NKAIN2: variants seen among roughly 807,000 people sequenced by gnomAD.
The protein encoded by NKAIN2 is sodium/potassium transporting ATPase interacting 2.
A neutral mutation model predicts 32.6 loss-of-function variants in NKAIN2; 14 were observed. The ratio of observed to expected loss-of-function variants is 0.43; its 90% CI spans 0.28 to 0.67. The LOEUF (loss-of-function observed/expected upper bound fraction) is 0.67. Ranked by LOEUF, NKAIN2 falls within the 30% of genes least tolerant of loss-of-function variation. The pLI is 0.17. For synonymous variants in NKAIN2, 80 were observed against 87.2 expected, an observed-to-expected ratio of 0.92 and a Z score of 0.46; for missense variants, 198 against 258.3, an observed-to-expected ratio of 0.77 and a Z score of 1.60.
chr6:124,742,258 A>T (rs1777249875), intron 4 of NKAIN2, among the ~76,000 whole-genome samples: 1 of 151,844 alleles, frequency 6.6e-6, no homozygotes, highest in African/African-American at 2.4e-5. Flanking sequence ...CAATAAACTG[A>T]GTAAAGAAGG....
chr6:123,926,298 A>G (rs1006228918), intron 1 of NKAIN2, among the ~76,000 whole-genome samples: 1 of 152,194 alleles, frequency 6.6e-6, no homozygotes, highest in East Asian at 1.9e-4. Context: ...CTTTGTGGAT[A>G]TCAGGAAAAT....
chr6:124,090,542 A>G (rs1006522573), intron 1 of NKAIN2, among the ~76,000 whole-genome samples: 42 of 152,068 alleles, frequency 2.8e-4, no homozygotes, highest in African/African-American at 9.4e-4. Context: ...AGATGATAAT[A>G]GGTGTCGTGT....
At position 124,823,761 on chromosome 6, in the gene NKAIN2, C is replaced by T. The variant is rs1402155495; in HGVS notation, c.*532C>T. On this transcript the variant is annotated 3_prime_UTR_variant, in exon 7 of 7. Coordinates refer to ENST00000368417, the MANE Select transcript of NKAIN2 (RefSeq NM_001040214.3). ...AAGTCCGAAATGGCAGATTGTTTGC[C>T]CTAAAGGCTGTACCGTACATACTTG... The T allele has an allele frequency of 6.3e-6, 1 of 159,400 alleles. No homozygotes were observed. The highest frequency in any genetic ancestry group is 2.4e-5 in the African/African-American group (1 of 41,654). The allele number at this position is 159,400 out of a possible 1,614,324, so 9.9% of individuals were successfully genotyped here. A position where few individuals can be genotyped will look rare whatever the true frequency, so the allele number is the denominator to read the frequency against.
intron 5 of NKAIN2, among the ~76,000 whole-genome samples, chr6:124,806,939 C>A (rs554475743): frequency 1.4e-4 from 22 of 152,274 alleles, no homozygotes; most frequent in Middle Eastern, 3.4e-3. Context: ...GAAGAGCTAA[C>A]TATCCTAAAT....
intron 1 of NKAIN2, among the ~76,000 whole-genome samples, chr6:124,187,491 A>G (rs570661093): frequency 2.0e-5 from 3 of 152,294 alleles, no homozygotes; most frequent in Non-Finnish European, 4.4e-5. Context: ...GGATAAGATC[A>G]AAAAGCATAT....
intron 4 of NKAIN2, among the ~76,000 whole-genome samples, chr6:124,725,428 A>G (rs890798398): frequency 1.2e-4 from 18 of 151,992 alleles, no homozygotes; most frequent in African/African-American, 3.6e-4. Flanking sequence ...TAAGTCTTTG[A>G]GTTATTTGGG....
At chr6:124,807,081 G>A (rs1350700494) in intron 5 of NKAIN2, among the ~76,000 whole-genome samples, 3 of 151,488 alleles carry the variant, frequency 2.0e-5, no homozygotes, top group Non-Finnish European at 3.0e-5. Context: ...ACAGATCAAC[G>A]AGACAGAAAG....
At chr6:124,393,814 C>T (rs1295936960) in intron 3 of NKAIN2, among the ~76,000 whole-genome samples, 1 of 152,118 alleles carries the variant, frequency 6.6e-6, no homozygotes, top group Non-Finnish European at 1.5e-5. Flanking sequence ...TGTGCATGCG[C>T]ATTATATGCC....
At position 124,804,548 on chromosome 6, in the gene NKAIN2, G is replaced by C. The variant is rs141528932; in HGVS notation, c.535+13149G>C. 1.2e-3 allele frequency: 328 copies of C among 268,856 alleles called. 1 individual carries two copies. Among genetic ancestry groups the C allele is most frequent in the African/African-American group, 6.7e-3 (294 of 43,710 alleles). The allele number at this position is 268,856 out of a possible 1,614,324, so 16.7% of individuals were successfully genotyped here. The stretch of plus-strand genomic sequence containing the variant: ...CGAACAGGAACAGCTCCGGTCTACA[G>C]CTCCCAGCGTGAGCGACGCAGAAGA... On this transcript the variant is annotated intron_variant, in intron 5 of 6. Coordinates refer to ENST00000368417, the MANE Select transcript of NKAIN2 (RefSeq NM_001040214.3).
rs532210636 is a variant in NKAIN2, at chr6:124,342,237, T to TA, written c.193-13018dup. Among the ~76,000 whole-genome samples, 664 of 143,194 alleles carry TA rather than the reference T, an allele frequency of 4.6e-3. 8 individuals carry two copies. The highest frequency in any genetic ancestry group is 0.015 in the African/African-American group (586 of 39,118). 93.9% of individuals were successfully genotyped at this position (143,194 alleles called of 152,430 possible). On this transcript the variant is annotated intron_variant, in intron 2 of 6. Transcript: ENST00000368417. ...TGACATGGTGAAACCCCGTGTCTAC[T>TA]AAAAAAAAAAAATACAAAAAAATTA...
chr6:124,466,705 A>C (rs914993155), intron 3 of NKAIN2, among the ~76,000 whole-genome samples: 1 of 151,872 alleles, frequency 6.6e-6, no homozygotes, highest in Non-Finnish European at 1.5e-5. Flanking sequence ...TCCAAGTTAC[A>C]TATGGAGTCA....
At chr6:124,334,553 T>C (rs63066960) in intron 2 of NKAIN2, among the ~76,000 whole-genome samples, 9 of 13,984 alleles carry the variant, frequency 6.4e-4, no homozygotes, top group South Asian at 3.2e-3. Context: ...CGGTTCCTGG[T>C]GGGGGGCACT....
intron 3 of NKAIN2, among the ~76,000 whole-genome samples, chr6:124,447,619 T>C (rs866847435): frequency 3.3e-5 from 5 of 152,272 alleles, no homozygotes; most frequent in Middle Eastern, 3.4e-3. Context: ...GGCACTTTCT[T>C]AGCAGAGAGA....
At position 124,409,095 on chromosome 6, in the gene NKAIN2, T is replaced by A. The variant is rs1774017115; in HGVS notation, c.273+53748T>A. On this transcript the variant is annotated intron_variant, in intron 3 of 6. Transcript: ENST00000368417. Reference sequence around the variant, plus strand: ...CTATCAGCTTAAGGAGATTGTGGGCTGAGACAATGGGGTTTTCTAGATATA... The same window carrying A: ...CTATCAGCTTAAGGAGATTGTGGGCAGAGACAATGGGGTTTTCTAGATATA... 2.0e-5 allele frequency among the ~76,000 whole-genome samples: 3 copies of A among 152,332 alleles called. No individual in the cohort carries two copies. The South Asian group carries it at 6.2e-4, about 32-fold the overall frequency.
intron 3 of NKAIN2, among the ~76,000 whole-genome samples, chr6:124,505,045 A>G (rs1332500925): frequency 1.3e-5 from 2 of 152,214 alleles, no homozygotes; most frequent in African/African-American, 2.4e-5. Context: ...GATCACAGAA[A>G]TGAAAAGAAA....
At chr6:124,150,824 T>C (rs1424748519) in intron 1 of NKAIN2, among the ~76,000 whole-genome samples, 1 of 152,150 alleles carries the variant, frequency 6.6e-6, no homozygotes, top group Non-Finnish European at 1.5e-5. Context: ...ACATCTTTAT[T>C]AACCCTGTGT....
chr6:123,839,858 A>G (rs1774794850), intron 1 of NKAIN2, among the ~76,000 whole-genome samples: 4 of 152,166 alleles, frequency 2.6e-5, no homozygotes, highest in Admixed American at 2.6e-4. Context: ...AGCCTCTTGA[A>G]GGATATAAGC....
At chr6:123,990,815 C>A (rs1008315381) in intron 1 of NKAIN2, among the ~76,000 whole-genome samples, 1 of 152,162 alleles carries the variant, frequency 6.6e-6, no homozygotes, top group African/African-American at 2.4e-5. Context: ...GTACTGCTCT[C>A]TCTGCCCCAT....
chr6:124,283,232 T>A (rs1795386860), intron 2 of NKAIN2, 90 bp downstream of exon 2: 1 of 832,310 alleles, frequency 1.2e-6, no homozygotes, highest in East Asian at 2.5e-5. Context: ...GTGTATAATC[T>A]ATCTTAAAGA....
Sources: allele counts gnomAD v4.1 joint callset (sites outside exome capture counted in the v4.1 genomes callset), GRCh38; gene constraint gnomAD v4.1.1; transcripts MANE v1.5; gene names NCBI Gene and HGNC (gene_info 2026-07-23, HGNC 2026-07-21).